The following DMD variants were observed in gnomAD, a reference collection of about 807,000 sequenced individuals.
DMD encodes the protein dystrophin.
A neutral mutation model predicts 330.1 loss-of-function variants in DMD; 63 were observed. The ratio of observed to expected loss-of-function variants is 0.19; its 90% CI spans 0.16 to 0.24. The LOEUF is 0.24. Among genes scored for constraint, DMD ranks in the 10% least tolerant of loss-of-function variants. DMD has a pLI of 1.00. For missense variants in DMD, 3,344 were observed against 2,684.1 expected (o/e 1.25, Z -5.43); for synonymous variants, 1,223 against 959.8 (o/e 1.27, Z -5.07).
intron 7 of DMD, among the ~76,000 whole-genome samples, chrX:32,746,887 G>A (rs113105900): frequency 0.15 from 17,017 of 110,312 alleles, 1,741 homozygotes; most frequent in African/African-American, 0.35. Flanking sequence ...CCCGGCTTCT[G>A]CTAACCACTA....
At chrX:32,028,861 ACTTT>A (rs2095864701) in intron 44 of DMD, among the ~76,000 whole-genome samples, 5 of 111,555 alleles carry the variant, frequency 4.5e-5, no homozygotes, top group Non-Finnish European at 7.5e-5. Flanking sequence ...CAAACAAAAC[ACTTT>A]CTTTTTCTTC....
In DMD at chrX:32,584,889, A is replaced by C. The variant is rs781349625; in HGVS notation, c.1602+10868T>G. Reference sequence around the variant, plus strand: ...AATAAGTCTTTAAGCTATAATTATAACTTATGTCCTTTGCTTGATACTTCA... The same window carrying C: ...AATAAGTCTTTAAGCTATAATTATACCTTATGTCCTTTGCTTGATACTTCA... On this transcript the variant is annotated intron_variant, in intron 13 of 78. Coordinates refer to ENST00000357033, the MANE Select transcript of DMD (RefSeq NM_004006.3). Among the ~76,000 whole-genome samples the C allele has an allele frequency of 6.3e-5, 7 of 111,536 alleles. No individual in the cohort carries two copies. In the East Asian group the frequency reaches 1.4e-3, roughly 22 times the overall value.
At chrX:31,485,344 G>A (rs753176296) in intron 57 of DMD, among the ~76,000 whole-genome samples, 195 of 111,019 alleles carry the variant, frequency 1.8e-3, no homozygotes, top group Admixed American at 2.4e-3. Flanking sequence ...ACAGGCACGC[G>A]CCACCACACC....
intron 6 of DMD, among the ~76,000 whole-genome samples, chrX:32,815,520 T>TACCCAC (rs1668796500): frequency 1.3e-5 from 1 of 78,959 alleles, no homozygotes; most frequent in African/African-American, 5.3e-5. Flanking sequence ...TATATATATA[T>TACCCAC]ACACACACAC....
intron 6 of DMD, among the ~76,000 whole-genome samples, chrX:32,815,205 T>A (rs1053104389): frequency 4.6e-5 from 5 of 109,565 alleles, no homozygotes; most frequent in Non-Finnish European, 7.6e-5. Context: ...AGATGCTTAT[T>A]TGAAATGTGT....
intron 2 of DMD, among the ~76,000 whole-genome samples, chrX:32,884,262 G>T (rs975672132): frequency 1.8e-5 from 2 of 111,596 alleles, no homozygotes; most frequent in Non-Finnish European, 3.8e-5. Context: ...CAGGCCCAGT[G>T]ATAATTCTAG....
intron 30 of DMD, among the ~76,000 whole-genome samples, chrX:32,402,846 G>GT (rs1383809834): frequency 9.0e-6 from 1 of 111,456 alleles, no homozygotes; most frequent in African/African-American, 3.3e-5. Flanking sequence ...TATGGTAAAC[G>GT]TAAGTGGCCA....
chrX:31,604,635 T>C (rs1314785060), intron 55 of DMD, among the ~76,000 whole-genome samples: 3 of 112,069 alleles, frequency 2.7e-5, no homozygotes, highest in Non-Finnish European at 5.6e-5. Flanking sequence ...ATTTAGAATA[T>C]AAAAAGAGGG....
At chrX:31,473,918 T>C (rs1237211036) in intron 59 of DMD, among the ~76,000 whole-genome samples, 1 of 111,510 alleles carries the variant, frequency 9.0e-6, no homozygotes, top group African/African-American at 3.3e-5. Context: ...AGGTAGAATA[T>C]TTGTCTAGTC....
intron 43 of DMD, among the ~76,000 whole-genome samples, chrX:32,246,844 T>A (rs1488785392): frequency 9.0e-6 from 1 of 111,116 alleles, no homozygotes; most frequent in Non-Finnish European, 1.9e-5. Context: ...AAACCTGAAA[T>A]CATGGCTCAC....
chrX:32,579,638 C>T (rs1322973171), intron 13 of DMD, among the ~76,000 whole-genome samples: 1 of 112,755 alleles, frequency 8.9e-6, no homozygotes, highest in African/African-American at 3.2e-5. Context: ...AACATTTAAT[C>T]TAATCTGCTT....
intron 1 of DMD, among the ~76,000 whole-genome samples, chrX:33,175,113 C>A (rs2049579096): frequency 8.9e-6 from 1 of 111,995 alleles, no homozygotes; most frequent in African/African-American, 3.2e-5. Flanking sequence ...ATATAGCCAC[C>A]TTCTGTATCA....
intron 51 of DMD, among the ~76,000 whole-genome samples, chrX:31,768,473 TCTTC>T (rs1335574482): frequency 9.1e-6 from 1 of 109,564 alleles, no homozygotes; most frequent in Non-Finnish European, 1.9e-5. Flanking sequence ...TTCCTTCCTC[TCTTC>T]CTTCTTTTTT....
chrX:32,824,370 A>G (rs1299634973), intron 4 of DMD, among the ~76,000 whole-genome samples: 1 of 112,320 alleles, frequency 8.9e-6, no homozygotes, highest in African/African-American at 3.2e-5. Context: ...TCAGGGGTAG[A>G]TAAACAAACC....
rs2093950507 is a variant in DMD, at chrX:31,875,232, C to T, written c.7054G>A (p.Glu2352Lys). 1 of 1,201,961 alleles carries T rather than the reference C, an allele frequency of 8.3e-7. No individual in the cohort carries two copies. Residue 2352 changes from glutamate to lysine, a missense_variant, in exon 48 of 79, where the codon GAA (glutamate) becomes AAA (lysine). Transcript: ENST00000357033. ...TCTTGGTTTGGTTGGTTATAAATTTCCAACTGATTCCTAATAGGAGATAAC... is the reference window on the plus strand; with the variant it reads ...TCTTGGTTTGGTTGGTTATAAATTTTCAACTGATTCCTAATAGGAGATAAC... Reference protein sequence around the residue: ...LWLSPIRNQLEIYNQPNQEGP... With the variant: ...LWLSPIRNQLKIYNQPNQEGP...
At chrX:31,775,929 T>C (rs2090628559) in intron 50 of DMD, among the ~76,000 whole-genome samples, 1 of 112,116 alleles carries the variant, frequency 8.9e-6, no homozygotes, top group Non-Finnish European at 1.9e-5. Flanking sequence ...TAAAAAAATT[T>C]GTGTCACGAA....
chrX:31,737,921 A>G (rs1046012672), intron 51 of DMD, among the ~76,000 whole-genome samples: 7 of 111,858 alleles, frequency 6.3e-5, no homozygotes, highest in African/African-American at 2.3e-4. Flanking sequence ...TGGGCTGGTT[A>G]GAGCCTGGAA....
chrX:31,163,352 C>T (rs1001621367), intron 74 of DMD, among the ~76,000 whole-genome samples: 5 of 111,483 alleles, frequency 4.5e-5, no homozygotes, highest in African/African-American at 1.6e-4. Context: ...GTAAGACATG[C>T]CTTTCCTCCT....
At chrX:31,779,078 G>C (rs188496295) in intron 50 of DMD, among the ~76,000 whole-genome samples, 1 of 111,733 alleles carries the variant, frequency 8.9e-6, no homozygotes, top group African/African-American at 3.2e-5. Context: ...AGTTCTAAGG[G>C]TCAGGCAGGG....
Sources: gnomAD v4.1 joint callset for allele counts (sites outside exome capture counted in the v4.1 genomes callset) on GRCh38, gnomAD v4.1.1 for gene constraint, MANE v1.5 for transcripts, NCBI Gene and HGNC (gene_info 2026-07-23, HGNC 2026-07-21) for gene names.